SLC71A2: variants seen among roughly 807,000 people sequenced by gnomAD.
SLC71A2 encodes hippocampus abundant transcript-like 1.
chr9:94,440,043 T>A, the SLC71A2 span, among the ~76,000 whole-genome samples: 11 of 152,328 alleles, frequency 7.2e-5, no homozygotes, highest in African/African-American at 2.6e-4. Context: ...TAAGCTGGTT[T>A]TTAGACTGAA....
chr9:94,455,169 T>TTTTTC, the SLC71A2 span, among the ~76,000 whole-genome samples: 4 of 100,790 alleles, frequency 4.0e-5, 1 homozygote, highest in Non-Finnish European at 7.6e-5. Flanking sequence ...TTTTTTTTTT[T>TTTTTC]TTTTTTTTTT....
the SLC71A2 span, chr9:94,444,980 C>A: frequency 6.2e-7 from 1 of 1,613,908 alleles, no homozygotes; most frequent in Non-Finnish European, 8.5e-7. Context: ...GCCACCTTTG[C>A]GGCTAGTCTT....
the SLC71A2 span, among the ~76,000 whole-genome samples, chr9:94,417,256 C>G: frequency 1.3e-5 from 2 of 152,200 alleles, no homozygotes; most frequent in Admixed American, 1.3e-4. Flanking sequence ...GTATACAGTT[C>G]AGTAGTATTA....
At chr9:94,456,328 G>T in the SLC71A2 span, 1 of 1,613,844 alleles carries the variant, frequency 6.2e-7, no homozygotes, top group South Asian at 1.1e-5. Context: ...TGCAGAGTCA[G>T]ATCAGCAAGG....
chr9:94,423,388 A>G, the SLC71A2 span, among the ~76,000 whole-genome samples: 1 of 152,024 alleles, frequency 6.6e-6, no homozygotes, highest in South Asian at 2.1e-4. Context: ...TGTGCCCTGC[A>G]TAGTGACGTC....
chr9:94,433,580 CACTG>C, the SLC71A2 span, among the ~76,000 whole-genome samples: 1 of 151,026 alleles, frequency 6.6e-6, no homozygotes, highest in East Asian at 1.9e-4. Flanking sequence ...ATTTAACAAA[CACTG>C]GATACATAAA....
chr9:94,436,549 C>T, the SLC71A2 span, among the ~76,000 whole-genome samples: 1 of 152,130 alleles, frequency 6.6e-6, no homozygotes, highest in East Asian at 1.9e-4. Context: ...TTCTTTTGTA[C>T]GAGGAAGCTC....
chr9:94,415,740 T>A, the SLC71A2 span, among the ~76,000 whole-genome samples: 1 of 152,018 alleles, frequency 6.6e-6, no homozygotes, highest in Admixed American at 6.6e-5. Context: ...TTTGCACCCC[T>A]ATGAGAATCT....
At chr9:94,421,404 C>T in the SLC71A2 span, among the ~76,000 whole-genome samples, 1 of 152,176 alleles carries the variant, frequency 6.6e-6, no homozygotes, top group Admixed American at 6.5e-5. Flanking sequence ...GACAGTTTGG[C>T]CTTTGTGTTT....
chr9:94,446,641 T>C, the SLC71A2 span, among the ~76,000 whole-genome samples: 108,148 of 151,904 alleles, frequency 0.71, 40,059 homozygotes, highest in African/African-American at 0.93. Flanking sequence ...ATTTGAAATA[T>C]ATACCTCTGA....
the SLC71A2 span, among the ~76,000 whole-genome samples, chr9:94,406,478 A>T: frequency 1.3e-5 from 2 of 152,140 alleles, no homozygotes; most frequent in Non-Finnish European, 2.9e-5. Context: ...ACCTCACATG[A>T]TCTGCCTGCC....
chr9:94,425,466 A>G, the SLC71A2 span, among the ~76,000 whole-genome samples: 10 of 152,218 alleles, frequency 6.6e-5, no homozygotes, highest in African/African-American at 2.2e-4. Flanking sequence ...TCTTGAGGAA[A>G]ATGAGCCACA....
chr9:94,455,594 A>T, the SLC71A2 span, among the ~76,000 whole-genome samples: 1 of 152,094 alleles, frequency 6.6e-6, no homozygotes, highest in Non-Finnish European at 1.5e-5. Context: ...TTGGTTCAGT[A>T]GCTGATTTAG....
chr9:94,447,469 T>C, the SLC71A2 span, among the ~76,000 whole-genome samples: 1 of 146,568 alleles, frequency 6.8e-6, no homozygotes, highest in Non-Finnish European at 1.5e-5. Flanking sequence ...CGTGAGCCAC[T>C]GTGCCCAGCC....
chr9:94,459,417 G>T, the SLC71A2 span: 1 of 1,613,026 alleles, frequency 6.2e-7, no homozygotes, highest in Non-Finnish European at 8.5e-7. Flanking sequence ...CTGTAAACTC[G>T]GCAGAAAGTG....
chr9:94,452,915 G>T, the SLC71A2 span, among the ~76,000 whole-genome samples: 9 of 151,756 alleles, frequency 5.9e-5, no homozygotes, highest in Non-Finnish European at 1.2e-4. Flanking sequence ...CCTAGGGGTT[G>T]TTTTCCCTGA....
the SLC71A2 span, chr9:94,458,472 G>C: frequency 8.1e-6 from 13 of 1,613,056 alleles, no homozygotes; most frequent in Non-Finnish European, 1.1e-5. Context: ...CAGGTAATTT[G>C]GTCATAAGTC....
At chr9:94,377,572 A>G in the SLC71A2 span, among the ~76,000 whole-genome samples, 1 of 140,860 alleles carries the variant, frequency 7.1e-6, no homozygotes, top group Admixed American at 7.3e-5. Context: ...TTTTGTAGAG[A>G]TGAAGTCTTC....
At chr9:94,415,834 A>G in the SLC71A2 span, among the ~76,000 whole-genome samples, 2 of 152,206 alleles carry the variant, frequency 1.3e-5, no homozygotes. Flanking sequence ...GGTTCATAAC[A>G]GGCCACGGAC....
Sources: gnomAD v4.1 joint callset for allele counts (sites outside exome capture counted in the v4.1 genomes callset) on GRCh38, gnomAD v4.1.1 for gene constraint, MANE v1.5 for transcripts, NCBI Gene and HGNC (gene_info 2026-07-23, HGNC 2026-07-21) for gene names.